MBTD1: variants seen among roughly 807,000 people sequenced by gnomAD.
MBTD1 encodes MBT domain-containing protein 1.
MBTD1 carries 24 observed loss-of-function variants against 87.8 expected under a neutral mutation model. The observed-to-expected ratio is 0.27, with a 90% confidence interval of 0.20 to 0.38. MBTD1 has a LOEUF of 0.38. MBTD1 is among the 10% of genes least tolerant of loss of function. MBTD1 has a pLI of 1.00. For synonymous variants in MBTD1, 237 were observed against 248.6 expected (o/e 0.95, Z 0.44); for missense variants, 436 against 760.2 (o/e 0.57, Z 5.02).
At chr17:51,209,505 T>A (rs1161551399) in intron 6 of MBTD1, 4 of 470,704 alleles carry the variant, frequency 8.5e-6, no homozygotes, top group Non-Finnish European at 1.8e-5. Flanking sequence ...AACACAAATG[T>A]ATGACAACCT....
rs1166630251 is a variant in MBTD1 at position 51,219,012 on chromosome 17, A to C, written c.321T>G (p.Leu107=). 1.3e-6 allele frequency: 2 copies of C among 1,551,126 alleles called. No homozygotes were observed. Among genetic ancestry groups the C allele is most frequent in the Admixed American group, 3.9e-5 (2 of 50,994 alleles). ...GCTTAGCAACTAAAGGTTGTTTCTGAAGAACTTTTGCTTTCTTTGTTGGAG... is the reference window on the plus strand; with the variant it reads ...GCTTAGCAACTAAAGGTTGTTTCTGCAGAACTTTTGCTTTCTTTGTTGGAG... ...GKPPTKKAKV[L]QKQPLVAKLA... Residue 107 remains leucine (L), a synonymous_variant, in exon 5 of 17, where the codon CTT becomes CTG. Transcript: ENST00000586178.
chr17:51,222,036 T>C (rs2052930502), intron 3 of MBTD1, among the ~76,000 whole-genome samples: 1 of 152,204 alleles, frequency 6.6e-6, no homozygotes, highest in African/African-American at 2.4e-5. Context: ...GAATAGATTG[T>C]TAAAGAACGT....
rs1568135482 is a variant in MBTD1 at position 51,179,486 on chromosome 17, A to ATATATATATATATATATATATT, written c.*1089_*1090insAATATATATATATATATATATA. 6.1e-3 allele frequency: 91 copies of ATATATATATATATATATATATT among 15,020 alleles called. 4 individuals carry two copies. Among genetic ancestry groups the ATATATATATATATATATATATT allele is most frequent in the South Asian group, 0.02 (7 of 358 alleles). 0.9% of individuals were successfully genotyped at this position (15,020 alleles called of 1,614,324 possible). A position where few individuals can be genotyped will look rare whatever the true frequency, so the allele number is the denominator to read the frequency against. ...CCTGAATACAATTAAAGACAATTTT[A>ATATATATATATATATATATATT]TATATATATATATATATATATATAT... is the stretch of plus-strand genomic sequence containing the variant. On this transcript the variant is annotated 3_prime_UTR_variant, in exon 17 of 17. Coordinates refer to ENST00000586178, the MANE Select transcript of MBTD1 (RefSeq NM_017643.3).
chr17:51,245,135 C>T (rs138880793), intron 2 of MBTD1, among the ~76,000 whole-genome samples: 2,883 of 151,554 alleles, frequency 0.019, 45 homozygotes, highest in Non-Finnish European at 0.032. Flanking sequence ...CTCCTGACCT[C>T]GTGATCTGCT....
rs2050220039 is a variant in MBTD1, at chr17:51,179,508, A to ATATATTTATATT, written c.*1067_*1068insAATATAAATATA. 1.2e-5 allele frequency: 1 copy of ATATATTTATATT among 83,816 alleles called. No individual in the cohort carries two copies. The highest frequency in any genetic ancestry group is 4.4e-5 in the African/African-American group (1 of 22,488). The allele number at this position is 83,816 out of a possible 1,614,324, so 5.2% of individuals were successfully genotyped here. ...TTTATATATATATATATATATATAT[A>ATATATTTATATT]TATATATATATATATATATATATAT... On this transcript the variant is annotated 3_prime_UTR_variant, in exon 17 of 17. Transcript: ENST00000586178.
chr17:51,251,297 C>A (rs2054767150), intron 2 of MBTD1: 1 of 152,102 alleles, frequency 6.6e-6, no homozygotes, highest in African/African-American at 2.4e-5. Context: ...CAGTTTTTTT[C>A]TTTTCCTGAA....
At chr17:51,192,434 C>A in intron 15 of MBTD1, 154 bp from the exon 16 acceptor site, 1 of 646,846 alleles carries the variant, frequency 1.5e-6, no homozygotes, top group Non-Finnish European at 2.6e-6. Context: ...TCCTACAAAA[C>A]CATAGCCTCA....
chr17:51,258,933 T>C (rs1022907618), intron 2 of MBTD1, among the ~76,000 whole-genome samples: 1 of 152,076 alleles, frequency 6.6e-6, no homozygotes, highest in African/African-American at 2.4e-5. Flanking sequence ...GCACACAAAA[T>C]ATAGGCCAAT....
At chr17:51,247,376 G>T (rs955466411) in intron 2 of MBTD1, among the ~76,000 whole-genome samples, 22 of 151,284 alleles carry the variant, frequency 1.5e-4, no homozygotes, top group East Asian at 9.7e-4. Context: ...ATTAGTATCT[G>T]TATGTGATAA....
chr17:51,217,459 T>G (rs2052633167), intron 5 of MBTD1, 43 bp from the exon 6 acceptor site: 2 of 938,236 alleles, frequency 2.1e-6, no homozygotes, highest in Non-Finnish European at 3.2e-6. Context: ...TCTCAAATCT[T>G]TTATTTATAA....
At chr17:51,226,184 A>T (rs1406049234) in intron 2 of MBTD1, among the ~76,000 whole-genome samples, 1 of 149,862 alleles carries the variant, frequency 6.7e-6, no homozygotes. Flanking sequence ...AAAAAAAAAC[A>T]CAAAAAAACA....
chr17:51,220,135 C>A (rs2052803852), intron 4 of MBTD1, among the ~76,000 whole-genome samples, 195 bp downstream of exon 4: 1 of 152,126 alleles, frequency 6.6e-6, no homozygotes, highest in African/African-American at 2.4e-5. Flanking sequence ...GGATAGTATG[C>A]CTTATCCATT....
At chr17:51,182,509 T>TA (rs2050361036) in intron 16 of MBTD1, among the ~76,000 whole-genome samples, 1 of 152,168 alleles carries the variant, frequency 6.6e-6, no homozygotes, top group Non-Finnish European at 1.5e-5. Flanking sequence ...GAAAAGTAGA[T>TA]AGACTTGGAA....
intron 2 of MBTD1, among the ~76,000 whole-genome samples, chr17:51,229,238 ATCAAC>A (rs975453321): frequency 6.6e-6 from 1 of 152,188 alleles, no homozygotes; most frequent in Non-Finnish European, 1.5e-5. Context: ...GATGAAAACT[ATCAAC>A]TCAAGAATCT....
At chr17:51,197,026 T>G (rs2051150381) in intron 12 of MBTD1, among the ~76,000 whole-genome samples, 1 of 93,248 alleles carries the variant, frequency 1.1e-5, no homozygotes, top group African/African-American at 4.8e-5. Context: ...TCTTTATCTA[T>G]TATTATATAT....
chr17:51,232,535 G>A (rs909946070), intron 2 of MBTD1, among the ~76,000 whole-genome samples: 6 of 152,116 alleles, frequency 3.9e-5, no homozygotes, highest in Admixed American at 3.9e-4. Flanking sequence ...ATTAGACATG[G>A]CTAAAGAGAA....
chr17:51,179,714 T>C lies in MBTD1; in HGVS notation c.*862A>G, dbSNP rs2050239003. Reference sequence around the variant, plus strand: ...TGGTTGTGGTTATACGAAGCTGTTATTTCACAGATAGAGGGAAATGGCAGA... The same window carrying C: ...TGGTTGTGGTTATACGAAGCTGTTACTTCACAGATAGAGGGAAATGGCAGA... On this transcript the variant is annotated 3_prime_UTR_variant, in exon 17 of 17. Transcript: ENST00000586178. 1 of 151,508 alleles carries C rather than the reference T, an allele frequency of 6.6e-6. No individual in the cohort carries two copies. Among genetic ancestry groups the C allele is most frequent in the Non-Finnish European group, 1.5e-5 (1 of 67,912 alleles). 9.4% of individuals were successfully genotyped at this position (151,508 alleles called of 1,614,324 possible).
At chr17:51,189,349 T>G (rs935677913) in intron 16 of MBTD1, among the ~76,000 whole-genome samples, 4 of 152,188 alleles carry the variant, frequency 2.6e-5, no homozygotes, top group African/African-American at 9.7e-5. Flanking sequence ...TTAAAGGTAG[T>G]AGAGATGATG....
intron 2 of MBTD1, among the ~76,000 whole-genome samples, chr17:51,240,380 ATTAT>A (rs750956947): frequency 3.9e-5 from 6 of 152,042 alleles, no homozygotes; most frequent in Non-Finnish European, 8.8e-5. Flanking sequence ...CTAAGTTTTC[ATTAT>A]TTAAGTTGTC....
Sources: gnomAD v4.1 joint callset for allele counts (sites outside exome capture counted in the v4.1 genomes callset) on GRCh38, gnomAD v4.1.1 for gene constraint, MANE v1.5 for transcripts, NCBI Gene and HGNC (gene_info 2026-07-23, HGNC 2026-07-21) for gene names.